Variants in CDH4 observed in about 807,000 individuals in gnomAD.
CDH4 encodes cadherin 4.
In CDH4, 33 loss-of-function variants were observed where a neutral mutation model predicts 86.0. The observed-to-expected ratio is 0.38, with a 90% CI of 0.29 to 0.51. The LOEUF (loss-of-function observed/expected upper bound fraction) is 0.51, where lower values mean the gene tolerates loss of function less well. CDH4 is among the 20% of genes least tolerant of loss of function. CDH4 has a pLI of 0.86. For missense variants in CDH4, 1,114 were observed against 1,307.4 expected (o/e 0.85, Z 2.28); for synonymous variants, 555 against 549.4 (o/e 1.01, Z -0.14).
intron 2 of CDH4, among the ~76,000 whole-genome samples, chr20:61,586,448 C>T (rs2086476231): frequency 6.6e-6 from 1 of 152,160 alleles, no homozygotes; most frequent in African/African-American, 2.4e-5. Flanking sequence ...CCACATCTTC[C>T]ACAGTTATTG....
intron 2 of CDH4, among the ~76,000 whole-genome samples, chr20:61,595,405 C>T (rs1205146507): frequency 6.6e-6 from 1 of 152,224 alleles, no homozygotes; most frequent in Non-Finnish European, 1.5e-5. Flanking sequence ...TTCCTGACAG[C>T]CTAATGAGCT....
intron 2 of CDH4, among the ~76,000 whole-genome samples, chr20:61,548,850 A>G (rs1184410553): frequency 6.6e-6 from 1 of 152,244 alleles, no homozygotes; most frequent in Non-Finnish European, 1.5e-5. Context: ...GGTGATTGGA[A>G]CATTATCATC....
chr20:61,338,838 C>G (rs1179163947), intron 2 of CDH4, among the ~76,000 whole-genome samples: 1 of 152,174 alleles, frequency 6.6e-6, no homozygotes, highest in Non-Finnish European at 1.5e-5. Context: ...TTCCATCATT[C>G]ATTTTATGTG....
intron 2 of CDH4, among the ~76,000 whole-genome samples, chr20:61,431,742 C>A (rs1210821564): frequency 6.6e-6 from 1 of 152,152 alleles, no homozygotes; most frequent in Admixed American, 6.5e-5. Flanking sequence ...CCACCATAAT[C>A]AAGGTAGGGC....
At chr20:61,297,416 A>G (rs2084362056) in intron 2 of CDH4, among the ~76,000 whole-genome samples, 1 of 152,240 alleles carries the variant, frequency 6.6e-6, no homozygotes, top group Non-Finnish European at 1.5e-5. Flanking sequence ...AAGTGTGGAA[A>G]AGTCCTGGCC....
intron 2 of CDH4, among the ~76,000 whole-genome samples, chr20:61,331,025 G>T (rs1278943417): frequency 2.6e-5 from 4 of 152,124 alleles, no homozygotes; most frequent in Admixed American, 2.6e-4. Flanking sequence ...GTCATCGAAT[G>T]ATCATTCGAG....
chr20:61,711,257 G>A (rs552821173), intron 2 of CDH4, among the ~76,000 whole-genome samples: 2 of 152,180 alleles, frequency 1.3e-5, no homozygotes, highest in South Asian at 2.1e-4. Context: ...CTTCCCCTTC[G>A]CCTTCCGCCA....
intron 2 of CDH4, among the ~76,000 whole-genome samples, chr20:61,619,362 A>G (rs2086751353): frequency 6.6e-6 from 1 of 152,180 alleles, no homozygotes; most frequent in Non-Finnish European, 1.5e-5. Context: ...TAGAAGGAGG[A>G]TAACTATCAA....
chr20:61,702,387 G>A (rs2087786251), intron 2 of CDH4, among the ~76,000 whole-genome samples: 1 of 152,188 alleles, frequency 6.6e-6, no homozygotes, highest in African/African-American at 2.4e-5. Context: ...CACGTAATGG[G>A]TCCCTCTGTC....
At chr20:61,297,740 A>G (rs1321278547) in intron 2 of CDH4, among the ~76,000 whole-genome samples, 1 of 152,224 alleles carries the variant, frequency 6.6e-6, no homozygotes, top group Non-Finnish European at 1.5e-5. Context: ...TCTCGCGTGT[A>G]TGATAGAGAC....
intron 6 of CDH4, among the ~76,000 whole-genome samples, chr20:61,856,225 A>G (rs529325436): frequency 8.5e-5 from 13 of 152,366 alleles, no homozygotes; most frequent in South Asian, 2.1e-4. Flanking sequence ...GAAGGGTTTC[A>G]GATGCGTGTT....
At chr20:61,617,382 G>A (rs987515345) in intron 2 of CDH4, among the ~76,000 whole-genome samples, 6 of 152,216 alleles carry the variant, frequency 3.9e-5, no homozygotes, top group Non-Finnish European at 8.8e-5. Flanking sequence ...AGGTCCCTGC[G>A]TTTGGAGAGG....
intron 2 of CDH4, among the ~76,000 whole-genome samples, chr20:61,431,453 A>C (rs970844530): frequency 5.6e-5 from 8 of 143,354 alleles, no homozygotes; most frequent in Admixed American, 4.4e-4. Context: ...TCGACCTCCC[A>C]GTTTCAAGTG....
chr20:61,837,531 C>T (rs1488500318), intron 4 of CDH4, among the ~76,000 whole-genome samples: 1 of 152,200 alleles, frequency 6.6e-6, no homozygotes, highest in East Asian at 1.9e-4. Flanking sequence ...GGGGCTGACG[C>T]TCTGAGATTT....
At chr20:61,854,006 C>T (rs541619788) in intron 6 of CDH4, among the ~76,000 whole-genome samples, 18 of 152,280 alleles carry the variant, frequency 1.2e-4, no homozygotes, top group East Asian at 9.6e-4. Flanking sequence ...CCATTTAGGA[C>T]GGACTTACAC....
intron 2 of CDH4, among the ~76,000 whole-genome samples, chr20:61,481,803 C>T (rs1398813479): frequency 1.3e-5 from 2 of 152,186 alleles, no homozygotes; most frequent in African/African-American, 2.4e-5. Context: ...AAGAGAACAT[C>T]TTTCCAGGAA....
chr20:61,745,620 C>T (rs1189043095), intron 3 of CDH4, among the ~76,000 whole-genome samples: 1 of 151,870 alleles, frequency 6.6e-6, no homozygotes, highest in Non-Finnish European at 1.5e-5. Context: ...TGTCATTTTC[C>T]TTCTTCCCTG....
At chr20:61,273,301 T>G (rs2084196364) in intron 2 of CDH4, among the ~76,000 whole-genome samples, 1 of 129,724 alleles carries the variant, frequency 7.7e-6, no homozygotes, top group Non-Finnish European at 1.6e-5. Context: ...AAGTACCATG[T>G]GCAGTTTGGG....
At chr20:61,816,612 G>C (rs575388497) in intron 4 of CDH4, among the ~76,000 whole-genome samples, 2 of 152,264 alleles carry the variant, frequency 1.3e-5, no homozygotes, top group Admixed American at 1.3e-4. Flanking sequence ...TGAGTGGCTG[G>C]GGAGGGCTCA....
Sources: gnomAD v4.1 joint callset for allele counts (sites outside exome capture counted in the v4.1 genomes callset) on GRCh38, gnomAD v4.1.1 for gene constraint, MANE v1.5 for transcripts, NCBI Gene and HGNC (gene_info 2026-07-23, HGNC 2026-07-21) for gene names.